ABCA13: variants seen among roughly 807,000 people sequenced by gnomAD.
ABCA13 encodes the protein ATP binding cassette subfamily A member 13, also known as ATP-binding cassette sub-family A member 13.
In ABCA13, 476 loss-of-function variants were observed where a neutral mutation model predicts 478.7. The ratio of observed to expected loss-of-function variants is 0.99; its 90% CI spans 0.92 to 1.07. The LOEUF is 1.07. Ranked by LOEUF, ABCA13 falls within the 50% of genes least tolerant of loss-of-function variation. The pLI is 0.00. For missense variants in ABCA13, 6,060 were observed against 5,910.6 expected, an observed-to-expected ratio of 1.03 and a Z score of -0.83; for synonymous variants, 2,252 against 2,158.9, an observed-to-expected ratio of 1.04 and a Z score of -1.20.
chr7:48,459,366 A>G (rs1373371396), intron 43 of ABCA13, among the ~76,000 whole-genome samples: 1 of 152,018 alleles, frequency 6.6e-6, no homozygotes, highest in Non-Finnish European at 1.5e-5. Context: ...CCTTTATCTC[A>G]TGCTCTGAAC....
chr7:48,332,553 A>T (rs140491555), intron 27 of ABCA13, among the ~76,000 whole-genome samples: 38 of 152,342 alleles, frequency 2.5e-4, no homozygotes, highest in African/African-American at 9.1e-4. Flanking sequence ...CTCATGGAAA[A>T]CAGTATGGTC....
rs117701272 is a variant in ABCA13 at position 48,263,373 on chromosome 7, G to A, written c.2006-5607G>A. Among the ~76,000 whole-genome samples the A allele has an allele frequency of 1.1e-3, 172 of 152,022 alleles. 1 individual carries two copies. Among genetic ancestry groups the A allele is most frequent in the Non-Finnish European group, 1.9e-3 (129 of 67,822 alleles). The stretch of plus-strand genomic sequence containing the variant: ...ATTTATTCTAGTCAATACATTATCT[G>A]TGGTTACTTAAATTCATGGAGTGCA... On this transcript the variant is annotated intron_variant, in intron 15 of 61. Transcript: ENST00000435803.
rs141831111 is a variant in ABCA13 at position 48,543,375 on chromosome 7, G to A, written c.14354+15030G>A. ...ACGGTGGCTCACGCCTGTAATCCTAGCACTTTGGGAGGCCGAGGCAGGCAG... is the reference window on the plus strand; with the variant it reads ...ACGGTGGCTCACGCCTGTAATCCTAACACTTTGGGAGGCCGAGGCAGGCAG... On this transcript the variant is annotated intron_variant, in intron 55 of 61. Coordinates refer to ENST00000435803, the MANE Select transcript of ABCA13 (RefSeq NM_152701.5). Among the ~76,000 whole-genome samples the A allele has an allele frequency of 3.3e-3, 500 of 151,904 alleles. 6 individuals carry two copies. Among genetic ancestry groups the A allele is most frequent in the African/African-American group, 0.011 (455 of 41,514 alleles).
chr7:48,182,007 G>A (rs1021494282), intron 1 of ABCA13, among the ~76,000 whole-genome samples: 1 of 152,014 alleles, frequency 6.6e-6, no homozygotes, highest in Non-Finnish European at 1.5e-5. Flanking sequence ...GGGTCCCTGT[G>A]TATGGAGCAC....
At chr7:48,582,163 G>A (rs1171798324) in intron 56 of ABCA13, among the ~76,000 whole-genome samples, 2 of 152,142 alleles carry the variant, frequency 1.3e-5, no homozygotes, top group South Asian at 2.1e-4. Flanking sequence ...ACTTGCCCAT[G>A]TTCACATGGC....
intron 39 of ABCA13, among the ~76,000 whole-genome samples, chr7:48,405,671 T>C (rs10248739): frequency 0.12 from 17,775 of 152,278 alleles, 1,216 homozygotes; most frequent in Admixed American, 0.19. Flanking sequence ...TACTCTTGTT[T>C]AGTTTAAAAA....
At chr7:48,365,374 C>T (rs976080985) in intron 31 of ABCA13, among the ~76,000 whole-genome samples, 1 of 152,124 alleles carries the variant, frequency 6.6e-6, no homozygotes, top group Non-Finnish European at 1.5e-5. Flanking sequence ...GTTGTCTTTA[C>T]ACTTTGCTGA....
At chr7:48,233,597 C>T (rs776539340) in intron 7 of ABCA13, among the ~76,000 whole-genome samples, 1 of 152,088 alleles carries the variant, frequency 6.6e-6, no homozygotes, top group African/African-American at 2.4e-5. Flanking sequence ...TATAATTTAT[C>T]CTTTCCCTGG....
At chr7:48,623,800 A>C (rs1276026180) in intron 59 of ABCA13, among the ~76,000 whole-genome samples, 2 of 152,072 alleles carry the variant, frequency 1.3e-5, no homozygotes, top group Non-Finnish European at 2.9e-5. Flanking sequence ...AGAAATGTAG[A>C]CTCTAGCTGG....
chr7:48,260,374 A>G (rs1794004394), intron 15 of ABCA13, among the ~76,000 whole-genome samples: 1 of 152,026 alleles, frequency 6.6e-6, no homozygotes, highest in Non-Finnish European at 1.5e-5. Context: ...TTCTTTGAGA[A>G]ATCTCCAAAC....
rs370843534 is a variant in ABCA13 at position 48,376,481 on chromosome 7, G to A, written c.11244G>A (p.Gly3748=). The change falls in exon 35 of 62, where the codon GGG becomes GGA. Residue 3748 remains glycine, a synonymous_variant. Transcript: ENST00000435803. ...WNNMYQALEQ[G]GMTFGWVCWM... is the part of the protein sequence containing the mutation. ...ATATGTACCAGGCTCTGGAACAAGG[G>A]GGCATGACATTTGGCTGGGTTTGCT... The A allele has an allele frequency of 3.7e-5, 59 of 1,613,736 alleles. No individual in the cohort carries two copies. The highest frequency in any genetic ancestry group is 4.6e-5 in the Non-Finnish European group (54 of 1,179,852).
At chr7:48,425,374 C>A (rs1821266990) in intron 41 of ABCA13, among the ~76,000 whole-genome samples, 1 of 152,068 alleles carries the variant, frequency 6.6e-6, no homozygotes, top group African/African-American at 2.4e-5. Context: ...TAAATATGAC[C>A]ATTAAATGAA....
chr7:48,278,758 A>G lies in ABCA13; in HGVS notation c.7564A>G (p.Ile2522Val), dbSNP rs767876429. 1.2e-6 allele frequency: 2 copies of G among 1,613,970 alleles called. No homozygotes were observed. The highest frequency in any genetic ancestry group is 4.5e-5 in the East Asian group (2 of 44,862). The part of the protein sequence containing the change: ...LRDLATSMDS[I>V]VKLLKLVKKV... Reference sequence around the variant, plus strand: ...AGATCTTGCCACATCAATGGACTCCATTGTGAAACTTCTTAAGCTGGTCAA... The same window carrying G: ...AGATCTTGCCACATCAATGGACTCCGTTGTGAAACTTCTTAAGCTGGTCAA... The change falls in exon 18 of 62, where the codon ATT becomes GTT. Residue 2522 changes from isoleucine to valine, a missense_variant. Around this residue, in one of 3 missense-constraint regions of ABCA13, gnomAD observed 4,423 missense variants for 4,309.1 expected, o/e 1.03. Coordinates refer to ENST00000435803, the MANE Select transcript of ABCA13 (RefSeq NM_152701.5).
chr7:48,196,099 C>T (rs369281564), intron 2 of ABCA13, among the ~76,000 whole-genome samples: 2 of 152,120 alleles, frequency 1.3e-5, no homozygotes, highest in Non-Finnish European at 2.9e-5. Flanking sequence ...ATGATAGTGG[C>T]TAATGCAAAA....
At chr7:48,309,476 T>G (rs942620819) in intron 23 of ABCA13, among the ~76,000 whole-genome samples, 3 of 152,098 alleles carry the variant, frequency 2.0e-5, no homozygotes, top group African/African-American at 4.8e-5. Flanking sequence ...ATAACAAGCT[T>G]GGTAATCCTG....
At chr7:48,245,700 A>G (rs1368975928) in intron 12 of ABCA13, 88 bp downstream of exon 12, 2 of 1,480,910 alleles carry the variant, frequency 1.4e-6, no homozygotes, top group Non-Finnish European at 9.2e-7. Context: ...CCTTTTGTGA[A>G]TTGTGCTAGC....
Position 48,271,934 on chromosome 7 carries a change from T to C in ABCA13, c.2268T>C (p.Ser756=), listed in dbSNP as rs1243220112. 38 of 1,613,578 alleles carry C rather than the reference T, an allele frequency of 2.4e-5. No individual in the cohort carries two copies. Among genetic ancestry groups the C allele is most frequent in the Non-Finnish European group, 3.2e-5 (38 of 1,179,734 alleles). Residue 756 remains serine (S), a synonymous_variant, in exon 17 of 62, where the codon AGT becomes AGC. Transcript: ENST00000435803. ...TTTTTGACTCCTCCATTGTTCCCAG[T>C]TTCCACAGCCTCCCATCTCTCACAG... ...PNLFDSSIVP[S]FHSLPSLTED...
At chr7:48,479,599 G>C (rs1828550053) in intron 45 of ABCA13, among the ~76,000 whole-genome samples, 1 of 152,114 alleles carries the variant, frequency 6.6e-6, no homozygotes, top group Admixed American at 6.5e-5. Context: ...TTGTACAATA[G>C]ATCTCTTGTA....
intron 31 of ABCA13, among the ~76,000 whole-genome samples, chr7:48,357,601 C>G (rs556778599): frequency 1.1e-4 from 17 of 152,062 alleles, no homozygotes; most frequent in African/African-American, 3.9e-4. Flanking sequence ...CCCTCAACAG[C>G]AGCAAAGTAA....
Sources: gnomAD v4.1 joint callset for allele counts (sites outside exome capture counted in the v4.1 genomes callset) on GRCh38, gnomAD v4.1.1 for gene constraint, gnomAD v4.1.1 regional missense constraint, MANE v1.5 for transcripts, NCBI Gene and HGNC (gene_info 2026-07-23, HGNC 2026-07-21) for gene names.